GNAQ: variants seen among roughly 807,000 people sequenced by gnomAD.
GNAQ encodes the protein guanine nucleotide-binding protein G(q) subunit alpha.
GNAQ carries 8 observed loss-of-function variants against 43.9 expected under a neutral mutation model. The ratio of observed to expected loss-of-function variants is 0.18; its 90% CI spans 0.11 to 0.33. The LOEUF is 0.33. Ranked by LOEUF, GNAQ falls within the 10% of genes least tolerant of loss-of-function variation. GNAQ has a pLI of 1.00. For synonymous variants in GNAQ, 155 were observed against 170.7 expected (o/e 0.91, Z 0.71); for missense variants, 158 against 450.8 (o/e 0.35, Z 5.88).
intron 5 of GNAQ, among the ~76,000 whole-genome samples, chr9:77,758,388 C>T (rs1329769372): frequency 6.6e-6 from 1 of 152,158 alleles, no homozygotes; most frequent in African/African-American, 2.4e-5. Flanking sequence ...TCAAATAATA[C>T]ACTGACACAG....
At chr9:77,794,644 G>C (rs1466092985) in intron 4 of GNAQ, 52 bp from the exon 5 acceptor site, 2 of 1,204,796 alleles carry the variant, frequency 1.7e-6, no homozygotes, top group African/African-American at 3.0e-5. Context: ...AAACTAAAAA[G>C]TCAACATAAA....
chr9:77,963,532 C>T (rs988564952), intron 1 of GNAQ, among the ~76,000 whole-genome samples: 19 of 151,742 alleles, frequency 1.3e-4, no homozygotes, highest in Admixed American at 2.6e-4. Context: ...CTTACCAGTA[C>T]GATCCTGAAA....
At chr9:77,872,297 T>A (rs755861476) in intron 2 of GNAQ, among the ~76,000 whole-genome samples, 2 of 152,148 alleles carry the variant, frequency 1.3e-5, no homozygotes, top group African/African-American at 4.8e-5. Flanking sequence ...CACTGTCAAA[T>A]TACCATTAAA....
At chr9:77,794,190 C>G (rs1055540030) in intron 5 of GNAQ, among the ~76,000 whole-genome samples, 5 of 152,082 alleles carry the variant, frequency 3.3e-5, no homozygotes, top group African/African-American at 1.2e-4. Context: ...GATGATTAGC[C>G]TAGGATTTCC....
At chr9:77,731,309 CTGGAGCCCGACTG>C (rs1825484654) in intron 5 of GNAQ, among the ~76,000 whole-genome samples, 4 of 152,200 alleles carry the variant, frequency 2.6e-5, no homozygotes, top group Admixed American at 2.6e-4. Context: ...CCAGACTGGA[CTGGAGCCCGACTG>C]AGCCCAGCAT....
At chr9:77,930,899 G>A (rs1056934698) in intron 1 of GNAQ, among the ~76,000 whole-genome samples, 52 of 152,018 alleles carry the variant, frequency 3.4e-4, no homozygotes, top group African/African-American at 1.3e-3. Context: ...AGAGTGGCAG[G>A]CATTACTGCC....
At chr9:77,953,160 C>T (rs1476155200) in intron 1 of GNAQ, among the ~76,000 whole-genome samples, 1 of 152,200 alleles carries the variant, frequency 6.6e-6, no homozygotes, top group Non-Finnish European at 1.5e-5. Flanking sequence ...AGGCCAAGTG[C>T]TCCTAAGCTG....
intron 2 of GNAQ, among the ~76,000 whole-genome samples, chr9:77,862,782 C>T (rs1012482371): frequency 1.3e-5 from 2 of 152,204 alleles, no homozygotes; most frequent in Non-Finnish European, 2.9e-5. Flanking sequence ...TTTTCTATCA[C>T]ATTGTCAGAC....
chr9:77,915,741 C>T, intron 2 of GNAQ, among the ~76,000 whole-genome samples: 1 of 152,150 alleles, frequency 6.6e-6, no homozygotes, highest in East Asian at 1.9e-4. Context: ...AACTAAGTCA[C>T]TAACCCCTTT....
intron 2 of GNAQ, among the ~76,000 whole-genome samples, chr9:77,896,412 G>A (rs557494236): frequency 5.9e-5 from 9 of 152,170 alleles, no homozygotes; most frequent in South Asian, 2.1e-4. Context: ...TTTATTCTAC[G>A]TTTTAAAACT....
At chr9:77,988,270 G>C (rs140948833) in intron 1 of GNAQ, among the ~76,000 whole-genome samples, 23 of 152,350 alleles carry the variant, frequency 1.5e-4, no homozygotes, top group African/African-American at 5.5e-4. Flanking sequence ...GAATAACACA[G>C]TTGCTTTATG....
chr9:78,005,482 G>T (rs1587457086), intron 1 of GNAQ, among the ~76,000 whole-genome samples: 1 of 152,178 alleles, frequency 6.6e-6, no homozygotes, highest in African/African-American at 2.4e-5. Context: ...GAAGAAGGAG[G>T]CCCAATACTA....
At chr9:77,823,248 A>G (rs780224450) in intron 2 of GNAQ, among the ~76,000 whole-genome samples, 1 of 152,160 alleles carries the variant, frequency 6.6e-6, no homozygotes, top group African/African-American at 2.4e-5. Context: ...CTAGAATTTA[A>G]GTAGGAAGAA....
At chr9:78,023,652 A>G (rs1269437933) in intron 1 of GNAQ, among the ~76,000 whole-genome samples, 1 of 152,192 alleles carries the variant, frequency 6.6e-6, no homozygotes. Context: ...GAAAGAAACA[A>G]TAAAAATGAA....
At chr9:78,011,368 C>A (rs971299106) in intron 1 of GNAQ, among the ~76,000 whole-genome samples, 2 of 152,050 alleles carry the variant, frequency 1.3e-5, no homozygotes, top group Non-Finnish European at 2.9e-5. Flanking sequence ...TGGACAAATA[C>A]AAGGGCCAGA....
At chr9:77,946,538 C>A (rs1355065552) in intron 1 of GNAQ, among the ~76,000 whole-genome samples, 3 of 152,182 alleles carry the variant, frequency 2.0e-5, no homozygotes, top group Non-Finnish European at 2.9e-5. Context: ...CACAAACCAA[C>A]GTGCAAAACC....
At chr9:77,727,432 G>C (rs1825414625) in intron 6 of GNAQ, among the ~76,000 whole-genome samples, 1 of 152,202 alleles carries the variant, frequency 6.6e-6, no homozygotes, top group African/African-American at 2.4e-5. Flanking sequence ...AGAATGGGTT[G>C]GGTGTCTAGT....
intron 2 of GNAQ, among the ~76,000 whole-genome samples, chr9:77,884,638 A>G (rs1354784985): frequency 6.6e-6 from 1 of 152,148 alleles, no homozygotes; most frequent in African/African-American, 2.4e-5. Context: ...ACCTGTTGTC[A>G]TCATTGGTGG....
chr9:77,763,515 C>T (rs1009928011), intron 5 of GNAQ, among the ~76,000 whole-genome samples: 8 of 152,116 alleles, frequency 5.3e-5, no homozygotes, highest in Non-Finnish European at 8.8e-5. Context: ...CTCACCCCAC[C>T]CCTGTTTTCT....
Sources: allele counts gnomAD v4.1 joint callset (sites outside exome capture counted in the v4.1 genomes callset), GRCh38; gene constraint gnomAD v4.1.1; transcripts MANE v1.5; gene names NCBI Gene and HGNC (gene_info 2026-07-23, HGNC 2026-07-21).